THSD7B: variants seen among roughly 807,000 people sequenced by gnomAD.
THSD7B encodes the protein thrombospondin type 1 domain containing 7B.
In THSD7B, 138 loss-of-function variants were observed where a neutral mutation model predicts 213.6. The observed-to-expected ratio is 0.65, with a 90% CI of 0.56 to 0.74. The LOEUF (loss-of-function observed/expected upper bound fraction) is 0.74. Ranked by LOEUF, THSD7B falls within the 30% of genes least tolerant of loss-of-function variation. The probability of loss-of-function intolerance (pLI) is 0.00; values close to 1 mark genes in which losing one functional copy is unlikely to be tolerated. For missense variants in THSD7B, 1,931 were observed against 1,991.5 expected, an observed-to-expected ratio of 0.97 and a Z score of 0.58; for synonymous variants, 742 against 687.0, an observed-to-expected ratio of 1.08 and a Z score of -1.25.
chr2:137,048,852 C>T (rs569635824), intron 2 of THSD7B, among the ~76,000 whole-genome samples: 8 of 152,276 alleles, frequency 5.3e-5, no homozygotes, highest in Admixed American at 1.3e-4. Context: ...TAGTATAAAG[C>T]GAACAGATAT....
intron 7 of THSD7B, among the ~76,000 whole-genome samples, chr2:137,206,011 C>CA (rs892109903): frequency 6.7e-6 from 1 of 149,246 alleles, no homozygotes; most frequent in East Asian, 2.0e-4. Flanking sequence ...CCTTTTCTGA[C>CA]AAAAAAATAG....
chr2:137,001,285 C>A (rs1435244182), intron 2 of THSD7B, among the ~76,000 whole-genome samples: 1 of 152,110 alleles, frequency 6.6e-6, no homozygotes, highest in Non-Finnish European at 1.5e-5. Flanking sequence ...GCACTGAATT[C>A]TATGTATAAT....
chr2:137,026,811 C>T (rs558545704), intron 2 of THSD7B, among the ~76,000 whole-genome samples: 4 of 152,246 alleles, frequency 2.6e-5, no homozygotes, highest in South Asian at 2.1e-4. Context: ...TTTTCACTCT[C>T]GTGTCCTGAT....
chr2:136,982,269 GATAAA>G (rs1372675481), intron 2 of THSD7B, among the ~76,000 whole-genome samples: 4 of 150,984 alleles, frequency 2.6e-5, no homozygotes, highest in African/African-American at 9.7e-5. Flanking sequence ...TTCTAGGTAA[GATAAA>G]ATAAAATAAG....
At position 137,116,504 on chromosome 2, in the gene THSD7B, T is replaced by C. The variant is rs16838108; in HGVS notation, c.1369+1211T>C. Among the ~76,000 whole-genome samples, 1,477 of 152,304 alleles carry C rather than the reference T, an allele frequency of 9.7e-3. 29 individuals carry two copies. Among genetic ancestry groups the C allele is most frequent in the African/African-American group, 0.033 (1,372 of 41,560 alleles). Reference sequence around the variant, plus strand: ...CCTCTCTTCTTTTCTTTGACTACTGTCTACTGTTGGAGGGTCTTCAGGGAT... The same window carrying C: ...CCTCTCTTCTTTTCTTTGACTACTGCCTACTGTTGGAGGGTCTTCAGGGAT... On this transcript the variant is annotated intron_variant, in intron 5 of 27. Transcript: ENST00000409968.
rs1410128113 is a variant in THSD7B at position 137,399,061 on chromosome 2, G to C, written c.2501-6552G>C. Among the ~76,000 whole-genome samples, 4 of 152,064 alleles carry C rather than the reference G, an allele frequency of 2.6e-5. 1 individual carries two copies. In the South Asian group the frequency reaches 6.3e-4, roughly 24 times the overall value. ...GCGCACCCACTGACCTGCGCCCACT[G>C]TCTGGCACTCCCTAGTGAGATGAAC... On this transcript the variant is annotated intron_variant, in intron 12 of 27. Coordinates refer to ENST00000409968, the MANE Select transcript of THSD7B (RefSeq NM_001316349.2).
chr2:137,280,173 T>C (rs902110304), intron 12 of THSD7B, among the ~76,000 whole-genome samples: 2 of 152,176 alleles, frequency 1.3e-5, no homozygotes, highest in African/African-American at 4.8e-5. Flanking sequence ...ATAGCCAACC[T>C]TATATTTTTT....
chr2:136,911,821 T>C (rs1200970713), intron 2 of THSD7B, among the ~76,000 whole-genome samples: 1 of 152,244 alleles, frequency 6.6e-6, no homozygotes, highest in Non-Finnish European at 1.5e-5. Context: ...TACGGATATA[T>C]TTGAATTAGT....
At chr2:137,193,344 G>A (rs935094221) in intron 7 of THSD7B, among the ~76,000 whole-genome samples, 2 of 152,134 alleles carry the variant, frequency 1.3e-5, no homozygotes, top group Non-Finnish European at 2.9e-5. Flanking sequence ...GGTGCAAATT[G>A]ATGTTAAATT....
intron 2 of THSD7B, among the ~76,000 whole-genome samples, chr2:136,974,320 G>A (rs1398755551): frequency 6.6e-6 from 1 of 152,118 alleles, no homozygotes; most frequent in African/African-American, 2.4e-5. Context: ...GCATGCATTA[G>A]CTACTTTTCC....
At chr2:136,861,077 C>T (rs1031120784) in intron 1 of THSD7B, among the ~76,000 whole-genome samples, 13 of 152,334 alleles carry the variant, frequency 8.5e-5, no homozygotes, top group East Asian at 3.9e-4. Context: ...AGTAGGTACC[C>T]ACTGAATGTG....
At chr2:137,398,940 G>A (rs187638502) in intron 12 of THSD7B, among the ~76,000 whole-genome samples, 48 of 152,264 alleles carry the variant, frequency 3.2e-4, no homozygotes, top group African/African-American at 9.6e-4. Context: ...GGTGCTGTCC[G>A]TTACCCCTTT....
chr2:137,241,411 T>G (rs780286831), intron 9 of THSD7B, among the ~76,000 whole-genome samples: 1 of 152,264 alleles, frequency 6.6e-6, no homozygotes, highest in Non-Finnish European at 1.5e-5. Context: ...ACTCTCTTGC[T>G]ATTTGCTGAG....
chr2:137,666,735 C>A (rs1378810888), intron 26 of THSD7B, among the ~76,000 whole-genome samples: 4 of 151,374 alleles, frequency 2.6e-5, no homozygotes, highest in South Asian at 2.1e-4. Context: ...TAAAATAGAG[C>A]AAAAAGACAT....
intron 12 of THSD7B, among the ~76,000 whole-genome samples, chr2:137,323,705 A>G (rs188920812): frequency 3.9e-5 from 6 of 152,262 alleles, no homozygotes; most frequent in African/African-American, 1.2e-4. Context: ...TTGACTGGAA[A>G]CCTGATGACA....
At chr2:137,129,598 C>T (rs1688690136) in intron 5 of THSD7B, among the ~76,000 whole-genome samples, 1 of 152,054 alleles carries the variant, frequency 6.6e-6, no homozygotes. Context: ...TGCCACCACA[C>T]CTAGCTAATT....
intron 2 of THSD7B, among the ~76,000 whole-genome samples, chr2:136,998,666 G>A (rs1282815335): frequency 1.3e-5 from 2 of 152,118 alleles, no homozygotes; most frequent in African/African-American, 4.8e-5. Flanking sequence ...ACCTAGCATA[G>A]ATGTGCATAG....
intron 12 of THSD7B, among the ~76,000 whole-genome samples, chr2:137,316,089 A>G (rs538759675): frequency 4.3e-4 from 66 of 152,362 alleles, no homozygotes; most frequent in South Asian, 2.9e-3. Flanking sequence ...GGGTAATACA[A>G]TTACTTCAGC....
chr2:137,648,721 C>CT (rs1252633629), intron 21 of THSD7B, among the ~76,000 whole-genome samples: 1 of 152,040 alleles, frequency 6.6e-6, no homozygotes, highest in East Asian at 1.9e-4. Flanking sequence ...TTATTGATCT[C>CT]TTTCCCTTCT....
Sources: gnomAD v4.1 joint callset for allele counts (sites outside exome capture counted in the v4.1 genomes callset) on GRCh38, gnomAD v4.1.1 for gene constraint, MANE v1.5 for transcripts, NCBI Gene and HGNC (gene_info 2026-07-23, HGNC 2026-07-21) for gene names.